The following VPS13B variants were observed in gnomAD, a reference collection of about 807,000 sequenced individuals.
The protein encoded by VPS13B is vacuolar protein sorting 13 homolog B, also known as intermembrane lipid transfer protein VPS13B.
VPS13B carries 285 observed loss-of-function variants against 426.4 expected under a neutral mutation model. The ratio of observed to expected loss-of-function variants is 0.67; its 90% CI spans 0.61 to 0.74. The LOEUF (loss-of-function observed/expected upper bound fraction) is 0.74, where lower values mean the gene tolerates loss of function less well. Among genes scored for constraint, VPS13B ranks in the 30% least tolerant of loss-of-function variants. VPS13B has a pLI of 0.00. For missense variants in VPS13B, 4,537 were observed against 4,782.6 expected (o/e 0.95, Z 1.51); for synonymous variants, 1,676 against 1,676.4 (o/e 1.00, Z 0.01).
At chr8:99,457,996 A>G (rs1017178587) in intron 23 of VPS13B, among the ~76,000 whole-genome samples, 3 of 152,044 alleles carry the variant, frequency 2.0e-5, no homozygotes, top group East Asian at 1.9e-4. Context: ...TACATGTGCC[A>G]TGTTGGTGTG....
chr8:99,038,237 G>A (rs1028693825), intron 2 of VPS13B, among the ~76,000 whole-genome samples, 186 bp from the exon 3 acceptor site: 1 of 152,038 alleles, frequency 6.6e-6, no homozygotes, highest in Non-Finnish European at 1.5e-5. Context: ...ATATTTTTGT[G>A]TTGGACATTT....
At chr8:99,362,490 C>T (rs545068310) in intron 19 of VPS13B, among the ~76,000 whole-genome samples, 9 of 151,894 alleles carry the variant, frequency 5.9e-5, no homozygotes, top group African/African-American at 1.9e-4. Flanking sequence ...AACTAATAAA[C>T]GTTAATTTAG....
chr8:99,669,575 G>T (rs1318003551), intron 35 of VPS13B, among the ~76,000 whole-genome samples: 1 of 152,070 alleles, frequency 6.6e-6, no homozygotes, highest in Non-Finnish European at 1.5e-5. Flanking sequence ...ACAAGACAAT[G>T]AATGCAATTT....
At chr8:99,183,765 A>T (rs984029926) in intron 16 of VPS13B, among the ~76,000 whole-genome samples, 3 of 152,186 alleles carry the variant, frequency 2.0e-5, no homozygotes, top group Admixed American at 6.5e-5. Context: ...AAATGACTAT[A>T]TTGAGGTATA....
chr8:99,812,295 C>T (rs536046067), intron 44 of VPS13B, among the ~76,000 whole-genome samples: 23 of 152,244 alleles, frequency 1.5e-4, no homozygotes, highest in African/African-American at 3.9e-4. Context: ...ACATCAGAGA[C>T]GTAGGATTTC....
chr8:99,310,316 C>G (rs916689194), intron 19 of VPS13B, among the ~76,000 whole-genome samples: 8 of 152,094 alleles, frequency 5.3e-5, no homozygotes, highest in African/African-American at 9.7e-5. Flanking sequence ...ATTGGCTGTG[C>G]ATTTGTCATA....
At chr8:99,292,207 GGCATAAGTATGCCTCA>G (rs1819776396) in intron 19 of VPS13B, among the ~76,000 whole-genome samples, 1 of 152,102 alleles carries the variant, frequency 6.6e-6, no homozygotes, top group Non-Finnish European at 1.5e-5. Context: ...AACAAAGCAT[GGCATAAGTATGCCTCA>G]GCCAGCCTGT....
chr8:99,081,171 AG>A, intron 3 of VPS13B, among the ~76,000 whole-genome samples: 1 of 152,360 alleles, frequency 6.6e-6, no homozygotes, highest in East Asian at 1.9e-4. Flanking sequence ...GCTTGGTAAC[AG>A]TCTCCCATCC....
chr8:99,783,807 TAC>T (rs1017848255), intron 42 of VPS13B, among the ~76,000 whole-genome samples: 1 of 151,870 alleles, frequency 6.6e-6, no homozygotes, highest in Non-Finnish European at 1.5e-5. Flanking sequence ...TGAGCAGATT[TAC>T]ACACACACAC....
chr8:99,329,295 A>C (rs969755241), intron 19 of VPS13B, among the ~76,000 whole-genome samples: 1 of 152,134 alleles, frequency 6.6e-6, no homozygotes, highest in Non-Finnish European at 1.5e-5. Flanking sequence ...ATTCATTTCA[A>C]TAAAAGCAGC....
At chr8:99,116,690 TCACAAAGTGCTGGGATTACAGG>T (rs1192435982) in intron 7 of VPS13B, among the ~76,000 whole-genome samples, 1 of 152,140 alleles carries the variant, frequency 6.6e-6, no homozygotes, top group Non-Finnish European at 1.5e-5. Flanking sequence ...CGCCTCAGCA[TCACAAAGTGCTGGGATTACAGG>T]CATGAGCCAC....
chr8:99,217,004 G>A (rs1162966706), intron 17 of VPS13B, among the ~76,000 whole-genome samples: 1 of 152,046 alleles, frequency 6.6e-6, no homozygotes, highest in South Asian at 2.1e-4. Context: ...TGGCACATTA[G>A]CTTTTCTTTC....
chr8:99,163,265 A>G (rs370434632), intron 15 of VPS13B, among the ~76,000 whole-genome samples: 2 of 152,080 alleles, frequency 1.3e-5, no homozygotes, highest in African/African-American at 4.8e-5. Context: ...TGATTGGTGT[A>G]TTTACAATCC....
Position 99,853,459 on chromosome 8 carries a change from AG to A in VPS13B, c.10071del (p.Lys3358ArgfsTer12). 1 of 1,614,206 alleles carries A rather than the reference AG, an allele frequency of 6.2e-7. No homozygotes were observed. The highest frequency in any genetic ancestry group is 8.5e-7 in the Non-Finnish European group (1 of 1,180,038). ...GTCCCTTTCTCCTCTAGAGCGCCAG[AG>A]AAGATTGTTACATTTAAAATGTTCA... is the stretch of plus-strand genomic sequence containing the variant. Reference protein sequence around the residue: ...PILTNTNRAPEKIVTFKMFIT... With the variant: ...PILTNTNRAPXKIVTFKMFIT... On this transcript the variant is annotated frameshift_variant, in exon 56 of 62. Transcript: ENST00000357162. LOFTEE classifies it high-confidence loss of function.
intron 19 of VPS13B, among the ~76,000 whole-genome samples, chr8:99,377,036 G>C (rs747869265): frequency 3.3e-5 from 5 of 152,124 alleles, no homozygotes; most frequent in African/African-American, 7.2e-5. Context: ...TGGCTGAGAA[G>C]TTGGTCATAA....
At chr8:99,148,098 C>A in intron 14 of VPS13B, 88 bp downstream of exon 14, 2 of 1,398,610 alleles carry the variant, frequency 1.4e-6, no homozygotes, top group Non-Finnish European at 1.0e-6. Flanking sequence ...ATATCTGCAG[C>A]CGGGCACAGT....
chr8:99,385,504 A>G (rs1814066433), intron 20 of VPS13B, among the ~76,000 whole-genome samples: 1 of 152,176 alleles, frequency 6.6e-6, no homozygotes, highest in Admixed American at 6.5e-5. Flanking sequence ...TTTTATTTGA[A>G]ACTTCTGCCA....
rs1294881916 is a variant in VPS13B, at chr8:99,326,369, T to A, written c.2824+51115T>A. 2.6e-5 allele frequency among the ~76,000 whole-genome samples: 4 copies of A among 151,930 alleles called. No individual in the cohort carries two copies. The East Asian group carries it at 7.7e-4, about 29-fold the overall frequency. On this transcript the variant is annotated intron_variant, in intron 19 of 61. Transcript: ENST00000357162. ...CAATGTCCTCTTCTATATGTGAATT[T>A]GTCTAATTGGTAAGTAAGTAGTTTA...
At chr8:99,180,891 T>C (rs1812911921) in intron 16 of VPS13B, among the ~76,000 whole-genome samples, 1 of 152,188 alleles carries the variant, frequency 6.6e-6, no homozygotes, top group African/African-American at 2.4e-5. Context: ...GAATTAACCA[T>C]CTTTTTTGTG....
Sources: allele counts gnomAD v4.1 joint callset (sites outside exome capture counted in the v4.1 genomes callset), GRCh38; gene constraint gnomAD v4.1.1; transcripts MANE v1.5; gene names NCBI Gene and HGNC (gene_info 2026-07-23, HGNC 2026-07-21).